JARID2: variants seen among roughly 807,000 people sequenced by gnomAD.
JARID2 encodes jumonji and AT-rich interaction domain containing 2.
JARID2 carries 21 observed loss-of-function variants against 125.6 expected under a neutral mutation model. The observed-to-expected ratio is 0.17, with a 90% CI of 0.12 to 0.24. The LOEUF (loss-of-function observed/expected upper bound fraction) is 0.24. Ranked by LOEUF, JARID2 falls within the 10% of genes least tolerant of loss-of-function variation. The pLI is 1.00. For synonymous variants in JARID2, 736 were observed against 661.6 expected, an observed-to-expected ratio of 1.11 and a Z score of -1.73; for missense variants, 1,303 against 1,639.6, an observed-to-expected ratio of 0.79 and a Z score of 3.55.
rs567914867 is a variant in JARID2, at chr6:15,508,064, G to A, written c.2732-276G>A. ...TGGGGGCTTCGGCCCGTGGGCGGCC[G>A]GTTCCTCGGCATTCCTCACCAGGTC... On this transcript the variant is annotated intron_variant, in intron 11 of 17. Transcript: ENST00000341776. 1.6e-4 allele frequency among the ~76,000 whole-genome samples: 25 copies of A among 152,334 alleles called. 1 individual carries two copies. Among genetic ancestry groups the A allele is most frequent in the African/African-American group, 3.4e-4 (14 of 41,574 alleles).
chr6:15,258,753 G>T (rs958038276), intron 1 of JARID2, among the ~76,000 whole-genome samples: 1 of 152,216 alleles, frequency 6.6e-6, no homozygotes, highest in Non-Finnish European at 1.5e-5. Flanking sequence ...CTGCACTCCA[G>T]CCTGGGCAAC....
chr6:15,293,397 A>G (rs952289339), intron 1 of JARID2, among the ~76,000 whole-genome samples: 3 of 152,220 alleles, frequency 2.0e-5, no homozygotes, highest in African/African-American at 7.2e-5. Context: ...CCTGGGTGAT[A>G]GAGCAAGATT....
At chr6:15,321,472 A>G (rs1228875180) in intron 1 of JARID2, among the ~76,000 whole-genome samples, 1 of 152,172 alleles carries the variant, frequency 6.6e-6, no homozygotes, top group Non-Finnish European at 1.5e-5. Context: ...GGGCCTTGAA[A>G]CATGGTTTGT....
Position 15,520,170 on chromosome 6 carries a change from C to T in JARID2, c.3660C>T (p.Pro1220=), listed in dbSNP as rs765276871. ...CLSKPTPKRG[P]RKRATVDVPP... Reference sequence around the variant, plus strand: ...GTAAACCCACACCAAAAAGAGGTCCCCGCAAGAGAGCGACAGTGGACGTGC... The same window carrying T: ...GTAAACCCACACCAAAAAGAGGTCCTCGCAAGAGAGCGACAGTGGACGTGC... The change falls in exon 18 of 18, where the codon CCC becomes CCT. Residue 1220 remains proline, a synonymous_variant. Coordinates refer to ENST00000341776, the MANE Select transcript of JARID2 (RefSeq NM_004973.4). 2.5e-6 allele frequency: 4 copies of T among 1,613,924 alleles called. No homozygotes were observed. The Admixed American group carries it at 5.0e-5, about 20-fold the overall frequency.
At chr6:15,333,274 A>G (rs1022361456) in intron 1 of JARID2, among the ~76,000 whole-genome samples, 2 of 152,114 alleles carry the variant, frequency 1.3e-5, no homozygotes, top group African/African-American at 2.4e-5. Context: ...GTTTTTTAGT[A>G]TATTCACAGT....
chr6:15,374,360 C>T, intron 2 of JARID2, 108 bp downstream of exon 2: 1 of 1,161,440 alleles, frequency 8.6e-7, no homozygotes, highest in Non-Finnish European at 1.2e-6. Flanking sequence ...GTCTAGGCAC[C>T]TAAAGGCAGT....
rs117512913 is a variant in JARID2 at position 15,431,712 on chromosome 6, A to G, written c.324-20294A>G. 1.4e-3 allele frequency among the ~76,000 whole-genome samples: 214 copies of G among 152,344 alleles called. 4 individuals are homozygous for G. In the East Asian group the frequency reaches 0.037, roughly 26 times the overall value. ...TTCAATGAAGCAATTTAAGCACTGT[A>G]AGAAATTTACAGATGGCAGTTTGGA... On this transcript the variant is annotated intron_variant, in intron 3 of 17. Transcript: ENST00000341776.
chr6:15,294,629 A>T (rs1761341980), intron 1 of JARID2, among the ~76,000 whole-genome samples: 2 of 152,100 alleles, frequency 1.3e-5, no homozygotes, highest in Non-Finnish European at 2.9e-5. Context: ...TCACATACAG[A>T]TTTGCTGGAG....
intron 8 of JARID2, among the ~76,000 whole-genome samples, chr6:15,503,253 G>T (rs914117765): frequency 4.6e-5 from 7 of 152,182 alleles, no homozygotes; most frequent in Non-Finnish European, 8.8e-5. Flanking sequence ...TCCACTCATT[G>T]CACTCTGCCT....
At chr6:15,248,676 T>A (rs1424439049) in intron 1 of JARID2, 1 of 153,030 alleles carries the variant, frequency 6.5e-6, no homozygotes, top group East Asian at 1.9e-4. Flanking sequence ...CCCCAGCCCT[T>A]CTTCCCTCCC....
intron 7 of JARID2, among the ~76,000 whole-genome samples, chr6:15,497,476 C>T (rs547320771): frequency 2.6e-5 from 4 of 152,074 alleles, no homozygotes; most frequent in South Asian, 2.1e-4. Context: ...GGTGAAACCC[C>T]GTCTCTACTA....
In JARID2 at chr6:15,331,724, G is replaced by A. The variant is rs372210058; in HGVS notation, c.46-42393G>A. ...CTACAAAAATTAGCCGGGTATGTTG[G>A]CAGGAGAATCGCTTGAACCCAGGAG... On this transcript the variant is annotated intron_variant, in intron 1 of 17. Coordinates refer to ENST00000341776, the MANE Select transcript of JARID2 (RefSeq NM_004973.4). 4.6e-5 allele frequency among the ~76,000 whole-genome samples: 7 copies of A among 152,186 alleles called. No individual in the cohort carries two copies. In the East Asian group the frequency reaches 1.2e-3, roughly 25 times the overall value.
At chr6:15,459,896 T>C (rs900607439) in intron 4 of JARID2, among the ~76,000 whole-genome samples, 1 of 152,234 alleles carries the variant, frequency 6.6e-6, no homozygotes, top group African/African-American at 2.4e-5. Context: ...GTGCTAATAA[T>C]GAGCTTCCTT....
At chr6:15,291,780 G>A (rs1761225259) in intron 1 of JARID2, among the ~76,000 whole-genome samples, 1 of 152,164 alleles carries the variant, frequency 6.6e-6, no homozygotes, top group African/African-American at 2.4e-5. Flanking sequence ...CCACACAAAT[G>A]TTGTAAATAT....
Position 15,266,121 on chromosome 6 carries a change from AG to A in JARID2, c.45+19538del, listed in dbSNP as rs80153196. On this transcript the variant is annotated intron_variant, in intron 1 of 17. Transcript: ENST00000341776. ...AGAACTGTCACATATGCTCTCCTGGAGACATTTGTGTCTTCCCATTTTACCT... is the reference window on the plus strand; with the variant it reads ...AGAACTGTCACATATGCTCTCCTGGAACATTTGTGTCTTCCCATTTTACCT... 2.6e-3 allele frequency among the ~76,000 whole-genome samples: 403 copies of A among 152,278 alleles called. 3 individuals are homozygous for A. The highest frequency in any genetic ancestry group is 0.021 in the Admixed American group (328 of 15,280).
chr6:15,385,444 G>A (rs1764746802), intron 2 of JARID2, among the ~76,000 whole-genome samples: 1 of 151,660 alleles, frequency 6.6e-6, no homozygotes, highest in Non-Finnish European at 1.5e-5. Flanking sequence ...GTGAGGGAGG[G>A]ACATGTGCGT....
intron 1 of JARID2, among the ~76,000 whole-genome samples, chr6:15,287,739 G>A (rs570038067): frequency 9.9e-5 from 15 of 152,192 alleles, no homozygotes; most frequent in African/African-American, 3.1e-4. Context: ...CCTTAGCTTC[G>A]GTGTCATTTC....
chr6:15,410,654 A>G (rs887681685), intron 3 of JARID2, among the ~76,000 whole-genome samples: 1 of 152,216 alleles, frequency 6.6e-6, no homozygotes, highest in African/African-American at 2.4e-5. Context: ...GTTCATTTAA[A>G]TTGATTCTCA....
At chr6:15,510,262 G>C (rs1771209275) in intron 12 of JARID2, among the ~76,000 whole-genome samples, 1 of 152,102 alleles carries the variant, frequency 6.6e-6, no homozygotes, top group Admixed American at 6.5e-5. Context: ...CTCTTGCCTG[G>C]GGAGGAGCCC....
Sources: gnomAD v4.1 joint callset for allele counts (sites outside exome capture counted in the v4.1 genomes callset) on GRCh38, gnomAD v4.1.1 for gene constraint, MANE v1.5 for transcripts, NCBI Gene and HGNC (gene_info 2026-07-23, HGNC 2026-07-21) for gene names.